The following HDAC2 variants were observed in gnomAD, a reference collection of about 807,000 sequenced individuals.
The protein encoded by HDAC2 is histone deacetylase 2, also known as YY1-associated factor 1.
HDAC2 carries 5 observed loss-of-function variants against 68.5 expected under a neutral mutation model. That is an observed-to-expected ratio of 0.07 (90% confidence interval 0.04 to 0.15). The LOEUF is 0.15. Ranked by LOEUF, HDAC2 falls within the 10% of genes least tolerant of loss-of-function variation. The pLI is 1.00. For missense variants in HDAC2, 291 were observed against 600.8 expected (o/e 0.48, Z 5.39); for synonymous variants, 182 against 191.3 (o/e 0.95, Z 0.40).
chr6:113,970,433 G>C (rs1776959214), intron 1 of HDAC2: 2 of 1,024,918 alleles, frequency 2.0e-6, no homozygotes, highest in South Asian at 4.2e-5. Flanking sequence ...TTTGCCTCGC[G>C]GGGGACGGGT....
chr6:113,970,672 G>A (rs1337557736), intron 1 of HDAC2, 185 bp downstream of exon 1: 2 of 1,351,342 alleles, frequency 1.5e-6, no homozygotes, highest in Non-Finnish European at 1.9e-6. Flanking sequence ...CGCAGGAACC[G>A]CGGGGGCTGC....
At position 113,933,953 on chromosome 6, in the gene HDAC2, G is replaced by A. The variant is rs1357808255; in HGVS notation, c.*7105C>T. 2 of 151,838 alleles carry A rather than the reference G, an allele frequency of 1.3e-5. No homozygotes were observed. Among genetic ancestry groups the A allele is most frequent in the African/African-American group, 4.8e-5 (2 of 41,288 alleles). 9.4% of individuals were successfully genotyped at this position (151,838 alleles called of 1,614,324 possible). A position where few individuals can be genotyped will look rare whatever the true frequency, so the allele number is the denominator to read the frequency against. On this transcript the variant is annotated 3_prime_UTR_variant, in exon 14 of 14. Coordinates refer to ENST00000519065, the MANE Select transcript of HDAC2 (RefSeq NM_001527.4). ...TGTCTCCTGACTGAACGCTGATGCA[G>A]GGAAACTCTGGTCTCTGACTTTGAT... is the stretch of plus-strand genomic sequence containing the variant.
intron 9 of HDAC2, 128 bp from the exon 10 acceptor site, chr6:113,945,598 T>C (rs1437328846): frequency 4.5e-6 from 3 of 673,680 alleles, no homozygotes; most frequent in Non-Finnish European, 7.9e-6. Flanking sequence ...ACAAAGTGAA[T>C]GTTCTCCTAT....
In HDAC2 at chr6:113,946,144, A is replaced by G; in HGVS notation, c.846T>C (p.His282=). ...LGCFNLTVKG[H]AKCVEVVKTF... is the part of the protein sequence containing the mutation. ...TTTTTACAACTTCTACACATTTAGC[A>G]TGACCTAAGACAAGAAGATTTGGGT... Residue 282 remains histidine (H), a synonymous_variant, in exon 9 of 14, where the codon CAT becomes CAC. Coordinates refer to ENST00000519065, the MANE Select transcript of HDAC2 (RefSeq NM_001527.4). 1 of 1,612,820 alleles carries G rather than the reference A, an allele frequency of 6.2e-7. No individual in the cohort carries two copies. Among genetic ancestry groups the G allele is most frequent in the Non-Finnish European group, 8.5e-7 (1 of 1,179,042 alleles).
At position 113,934,763 on chromosome 6, in the gene HDAC2, G is replaced by A. The variant is rs1775966977; in HGVS notation, c.*6295C>T. The A allele has an allele frequency of 6.6e-6, 1 of 152,146 alleles. No homozygotes were observed. The highest frequency in any genetic ancestry group is 1.5e-5 in the Non-Finnish European group (1 of 68,026). The allele number at this position is 152,146 out of a possible 1,614,324, so 9.4% of individuals were successfully genotyped here. On this transcript the variant is annotated 3_prime_UTR_variant, in exon 14 of 14. Coordinates refer to ENST00000519065, the MANE Select transcript of HDAC2 (RefSeq NM_001527.4). Reference sequence around the variant, plus strand: ...AAAACAGCTTACAAAAGGGTGTTTGGCATCAAAAGGGAATAGCACAGGAAT... The same window carrying A: ...AAAACAGCTTACAAAAGGGTGTTTGACATCAAAAGGGAATAGCACAGGAAT...
chr6:113,950,700 T>TGGGGGGGGGG (rs34412922), intron 6 of HDAC2, among the ~76,000 whole-genome samples: 3 of 62,426 alleles, frequency 4.8e-5, no homozygotes, highest in African/African-American at 5.8e-5. Flanking sequence ...CTGAGTGGGG[T>TGGGGGGGGGG]GGGGGGGGGG....
In HDAC2 at chr6:113,940,966, A is replaced by G. The variant is rs1206187367; in HGVS notation, c.*92T>C. 1.0e-6 allele frequency: 1 copy of G among 1,000,728 alleles called. No homozygotes were observed. Among genetic ancestry groups the G allele is most frequent in the African/African-American group, 1.6e-5 (1 of 61,180 alleles). The allele number at this position is 1,000,728 out of a possible 1,614,324, so 62.0% of individuals were successfully genotyped here. On this transcript the variant is annotated 3_prime_UTR_variant, in exon 14 of 14. Transcript: ENST00000519065. ...TAAATACAGTCCATGCCAAAGTAGT[A>G]TAAAATGAAGCCAGAAGTCTTCAAA...
At position 113,945,689 on chromosome 6, in the gene HDAC2, T is replaced by C. The variant is rs147908542; in HGVS notation, c.983-219A>G. Among the ~76,000 whole-genome samples the C allele has an allele frequency of 2.2e-3, 332 of 152,370 alleles. 2 individuals carry two copies. Among genetic ancestry groups the C allele is most frequent in the African/African-American group, 7.8e-3 (323 of 41,594 alleles). On this transcript the variant is annotated intron_variant, in intron 9 of 13. Coordinates refer to ENST00000519065, the MANE Select transcript of HDAC2 (RefSeq NM_001527.4). ...AGTCTCTGACTTTCAATGGCTTGAC[T>C]TACAGTTTTCTGGCTTTTTTGTACC...
At chr6:113,963,683 T>C (rs1742107802) in intron 1 of HDAC2, among the ~76,000 whole-genome samples, 1 of 152,172 alleles carries the variant, frequency 6.6e-6, no homozygotes, top group African/African-American at 2.4e-5. Flanking sequence ...CCTCCCCAAA[T>C]CTGAAATACT....
chr6:113,948,378 C>G (rs12208304), intron 8 of HDAC2: 22,150 of 152,108 alleles, frequency 0.15, 1,868 homozygotes, highest in East Asian at 0.21. Flanking sequence ...GGCTGTTTTT[C>G]AAGAAGGTGA....
At position 113,956,438 on chromosome 6, in the gene HDAC2, G is replaced by A. The variant is rs569849225; in HGVS notation, c.358+181C>T. Reference sequence around the variant, plus strand: ...CCAAGTGAAAATAAGTTTAAAAAGCGTTTAAGTCATAATCATAAAACATAG... The same window carrying A: ...CCAAGTGAAAATAAGTTTAAAAAGCATTTAAGTCATAATCATAAAACATAG... On this transcript the variant is annotated intron_variant, in intron 4 of 13. Coordinates refer to ENST00000519065, the MANE Select transcript of HDAC2 (RefSeq NM_001527.4). 7.7e-4 allele frequency: 451 copies of A among 587,856 alleles called. 4 individuals carry two copies. In the South Asian group the frequency reaches 8.2e-3, roughly 11 times the overall value. 36.4% of individuals were successfully genotyped at this position (587,856 alleles called of 1,614,324 possible).
chr6:113,951,976 AG>A (rs1350379675), intron 6 of HDAC2, among the ~76,000 whole-genome samples: 1 of 152,226 alleles, frequency 6.6e-6, no homozygotes, highest in Non-Finnish European at 1.5e-5. Context: ...CACACTGCAA[AG>A]ATACTGTCTT....
At position 113,959,197 on chromosome 6, in the gene HDAC2, G is replaced by A. The variant is rs139704591; in HGVS notation, c.166-431C>T. Among the ~76,000 whole-genome samples the A allele has an allele frequency of 2.8e-3, 426 of 151,852 alleles. 1 individual carries two copies. The highest frequency in any genetic ancestry group is 9.1e-3 in the African/African-American group (377 of 41,422). On this transcript the variant is annotated intron_variant, in intron 2 of 13. Coordinates refer to ENST00000519065, the MANE Select transcript of HDAC2 (RefSeq NM_001527.4). ...TTTCTATCCTAATCTTCCTTGTTCC[G>A]AAGAGCTCAATTTCACGTATGACAC...
intron 6 of HDAC2, among the ~76,000 whole-genome samples, chr6:113,949,917 G>C (rs1582483051): frequency 6.6e-6 from 1 of 152,222 alleles, no homozygotes; most frequent in African/African-American, 2.4e-5. Flanking sequence ...GAGTGGCTGG[G>C]ATTACAGGCA....
rs577524009 is a variant in HDAC2 at position 113,956,250 on chromosome 6, A to T, written c.359-99T>A. The T allele has an allele frequency of 3.2e-5, 31 of 979,864 alleles. No individual in the cohort carries two copies. The South Asian group carries it at 4.8e-4, about 15-fold the overall frequency. 60.7% of individuals were successfully genotyped at this position (979,864 alleles called of 1,614,324 possible). On this transcript the variant is annotated intron_variant, in intron 4 of 13. Coordinates refer to ENST00000519065, the MANE Select transcript of HDAC2 (RefSeq NM_001527.4). ...CAAGTGTATGCCATGCATAAGCAAG[A>T]GCTTAAAATCATGAAAGTTAACAGA...
chr6:113,958,357 G>A (rs1776605083), intron 3 of HDAC2: 1 of 216,598 alleles, frequency 4.6e-6, no homozygotes, highest in Admixed American at 5.8e-5. Context: ...TTTGAAGCGA[G>A]GGAGTAAGGG....
At chr6:113,966,858 CTTA>C (rs1221569147) in intron 1 of HDAC2, among the ~76,000 whole-genome samples, 7 of 152,102 alleles carry the variant, frequency 4.6e-5, no homozygotes, top group Non-Finnish European at 1.0e-4. Flanking sequence ...AAATTTCAGT[CTTA>C]TTTAGTCATG....
intron 8 of HDAC2, 138 bp from the exon 9 acceptor site, chr6:113,946,286 TAA>T (rs929721059): frequency 1.6e-6 from 1 of 635,884 alleles, no homozygotes; most frequent in African/African-American, 1.8e-5. Flanking sequence ...AATAAAAATG[TAA>T]AAAATGTCAA....
intron 1 of HDAC2, 36 bp downstream of exon 1, chr6:113,970,821 C>A: frequency 6.6e-7 from 1 of 1,519,594 alleles, no homozygotes; most frequent in Non-Finnish European, 8.8e-7. Flanking sequence ...GCGCCCGGCC[C>A]CGCGCGCCCA....
Sources: gnomAD v4.1 joint callset for allele counts (sites outside exome capture counted in the v4.1 genomes callset) on GRCh38, gnomAD v4.1.1 for gene constraint, MANE v1.5 for transcripts, NCBI Gene and HGNC (gene_info 2026-07-23, HGNC 2026-07-21) for gene names.